The following STARD13 variants were observed in gnomAD, a reference collection of about 807,000 sequenced individuals.
The protein encoded by STARD13 is stAR-related lipid transfer protein 13.
Under a neutral mutation model 106.4 loss-of-function variants are expected in STARD13, and 62 were observed. The observed-to-expected ratio is 0.58, with a 90% CI of 0.48 to 0.72. The LOEUF (loss-of-function observed/expected upper bound fraction) is 0.72. Ranked by LOEUF, STARD13 falls within the 30% of genes least tolerant of loss-of-function variation. The pLI is 0.00. For synonymous variants in STARD13, 565 were observed against 553.0 expected (o/e 1.02, Z -0.31); for missense variants, 1,387 against 1,424.0 (o/e 0.97, Z 0.42).
intron 1 of STARD13, among the ~76,000 whole-genome samples, chr13:33,252,502 C>A (rs1452590757): frequency 2.0e-5 from 3 of 152,196 alleles, no homozygotes; most frequent in Non-Finnish European, 4.4e-5. Flanking sequence ...ACTAAACAAC[C>A]AGTTTCAGCT....
At chr13:33,574,788 T>C in the STARD13 span, among the ~76,000 whole-genome samples, 14 of 151,998 alleles carry the variant, frequency 9.2e-5, no homozygotes, top group Admixed American at 6.6e-5. Flanking sequence ...AGACAAAATA[T>C]AGTTGAAATG....
At chr13:33,402,409 C>T in the STARD13 span, among the ~76,000 whole-genome samples, 1 of 152,228 alleles carries the variant, frequency 6.6e-6, no homozygotes. Context: ...AAATAACCTT[C>T]AGAAACAGTG....
chr13:33,507,959 T>C, the STARD13 span, among the ~76,000 whole-genome samples: 9 of 151,904 alleles, frequency 5.9e-5, no homozygotes, highest in Non-Finnish European at 1.2e-4. Context: ...GTGGCAGAGG[T>C]GGAGGAAAAT....
intron 3 of STARD13, among the ~76,000 whole-genome samples, chr13:33,147,915 G>A (rs114750477): frequency 0.016 from 2,504 of 152,208 alleles, 71 homozygotes; most frequent in African/African-American, 0.055. Flanking sequence ...AAACAGACTC[G>A]CACAAAGAGA....
At chr13:33,352,699 C>T (rs2078090287), upstream of STARD13, among the ~76,000 whole-genome samples, 1 of 152,220 alleles carries the variant, frequency 6.6e-6, no homozygotes, top group Non-Finnish European at 1.5e-5. Flanking sequence ...TGCCACCCAG[C>T]ATGGCCCAGC....
intron 1 of STARD13, among the ~76,000 whole-genome samples, chr13:33,337,985 G>C (rs1276088778): frequency 6.6e-6 from 1 of 152,208 alleles, no homozygotes; most frequent in African/African-American, 2.4e-5. Context: ...GCCCTGCCGG[G>C]GTGTAGTGCA....
chr13:33,341,939 C>A (rs1322225850), intron 1 of STARD13, among the ~76,000 whole-genome samples: 1 of 151,942 alleles, frequency 6.6e-6, no homozygotes, highest in Non-Finnish European at 1.5e-5. Flanking sequence ...ACAGGCATAT[C>A]CCCACCATAC....
chr13:33,498,022 A>G, the STARD13 span, among the ~76,000 whole-genome samples: 1 of 152,228 alleles, frequency 6.6e-6, no homozygotes, highest in African/African-American at 2.4e-5. Context: ...ACATAATCTA[A>G]GACATTACAA....
At chr13:33,274,293 G>A (rs114107582) in intron 1 of STARD13, among the ~76,000 whole-genome samples, 1,791 of 152,110 alleles carry the variant, frequency 0.012, 47 homozygotes, top group African/African-American at 0.041. Flanking sequence ...AATCCAATAC[G>A]ACTGGTGTCT....
intron 4 of STARD13, among the ~76,000 whole-genome samples, chr13:33,133,669 T>A (rs1446339078): frequency 6.8e-6 from 1 of 146,340 alleles, no homozygotes; most frequent in Non-Finnish European, 1.5e-5. Flanking sequence ...AAAAAAAAAT[T>A]TATGCTTAAG....
chr13:33,526,111 T>C, the STARD13 span, among the ~76,000 whole-genome samples: 176 of 152,238 alleles, frequency 1.2e-3, no homozygotes, highest in African/African-American at 4.0e-3. Flanking sequence ...TATTTTCTGA[T>C]AGTTACTGCT....
At chr13:33,492,604 T>C in the STARD13 span, among the ~76,000 whole-genome samples, 1 of 152,146 alleles carries the variant, frequency 6.6e-6, no homozygotes, top group Non-Finnish European at 1.5e-5. Flanking sequence ...TACACTTCCA[T>C]CAGGGCCATG....
the STARD13 span, among the ~76,000 whole-genome samples, chr13:33,495,383 T>C: frequency 6.6e-6 from 1 of 152,178 alleles, no homozygotes; most frequent in Non-Finnish European, 1.5e-5. Flanking sequence ...TGCTAACTTA[T>C]CAAATAATAT....
At chr13:33,412,318 A>G in the STARD13 span, among the ~76,000 whole-genome samples, 1 of 152,186 alleles carries the variant, frequency 6.6e-6, no homozygotes. Flanking sequence ...AACCACTAAA[A>G]TAGCTATGCA....
the STARD13 span, among the ~76,000 whole-genome samples, chr13:33,473,627 G>A: frequency 1.8e-3 from 270 of 152,240 alleles, no homozygotes; most frequent in African/African-American, 5.5e-3. Flanking sequence ...TTTGGTTCCC[G>A]GACCAGTAAT....
At chr13:33,306,688 G>A (rs574033982) in intron 1 of STARD13, among the ~76,000 whole-genome samples, 30 of 152,274 alleles carry the variant, frequency 2.0e-4, no homozygotes, top group Middle Eastern at 3.4e-3. Context: ...GGTGGCTTAC[G>A]CCTGTAATCA....
chr13:33,244,954 A>T (rs1198111930), intron 1 of STARD13, among the ~76,000 whole-genome samples: 2 of 152,224 alleles, frequency 1.3e-5, no homozygotes, highest in East Asian at 3.8e-4. Flanking sequence ...CCCTACATCC[A>T]AATACAACAC....
chr13:33,137,467 AG>A lies in STARD13; in HGVS notation c.387+4842del, dbSNP rs536648188. On this transcript the variant is annotated intron_variant, in intron 4 of 13. Transcript: ENST00000336934. ...TCCCTGTTCTGGAGGACAGAGCTAA[AG>A]GGCTTCTGAGTGAATGGGGAAATCC... 7.1e-4 allele frequency among the ~76,000 whole-genome samples: 108 copies of A among 152,346 alleles called. 2 individuals carry two copies. Among genetic ancestry groups the A allele is most frequent in the Admixed American group, 5.4e-3 (83 of 15,302 alleles).
the STARD13 span, among the ~76,000 whole-genome samples, chr13:33,550,808 C>G: frequency 6.6e-6 from 1 of 152,170 alleles, no homozygotes; most frequent in African/African-American, 2.4e-5. Context: ...CATTGCTTTT[C>G]TATTTTTCAT....
Sources: gnomAD v4.1 joint callset for allele counts (sites outside exome capture counted in the v4.1 genomes callset) on GRCh38, gnomAD v4.1.1 for gene constraint, MANE v1.5 for transcripts, NCBI Gene and HGNC (gene_info 2026-07-23, HGNC 2026-07-21) for gene names.